ERICH1: variants seen among roughly 807,000 people sequenced by gnomAD.
The protein encoded by ERICH1 is glutamate rich 1.
Under a neutral mutation model 39.6 loss-of-function variants are expected in ERICH1, and 56 were observed. That is an observed-to-expected ratio of 1.41 (90% CI 1.14 to 1.77). ERICH1 has a LOEUF of 1.77. Ranked by LOEUF, ERICH1 falls within the 40% of genes most tolerant of loss-of-function variation. The pLI, the probability that ERICH1 is intolerant of heterozygous loss-of-function variation, is 0.00. For synonymous variants in ERICH1, 313 were observed against 223.6 expected (o/e 1.40, Z -3.57); for missense variants, 826 against 575.4 (o/e 1.44, Z -4.45).
rs368247764 is a variant in ERICH1, at chr8:642,493, A to C, written c.976+26105T>G. 1.4e-4 allele frequency among the ~76,000 whole-genome samples: 22 copies of C among 151,894 alleles called. 1 individual carries two copies. In the East Asian group the frequency reaches 2.1e-3, roughly 15 times the overall value. ...CCAGATAGCTGGGACTACAGGCACCAGCCACCACGCCCGGCTAATTTTTTG... is the reference window on the plus strand; with the variant it reads ...CCAGATAGCTGGGACTACAGGCACCCGCCACCACGCCCGGCTAATTTTTTG... On this transcript the variant is annotated intron_variant, in intron 3 of 3. Coordinates refer to the ERICH1 transcript ENST00000522706.
intron 2 of ERICH1, among the ~76,000 whole-genome samples, chr8:693,749 C>T (rs748453704): frequency 6.0e-5 from 9 of 150,952 alleles, no homozygotes; most frequent in East Asian, 2.0e-4. Flanking sequence ...TGCCCCTCTG[C>T]GCACGGGACC....
chr8:695,203 C>G (rs915612021), intron 2 of ERICH1, among the ~76,000 whole-genome samples: 1 of 152,050 alleles, frequency 6.6e-6, no homozygotes, highest in Non-Finnish European at 1.5e-5. Context: ...CAGCCCCTGG[C>G]CCACTTCAGG....
At chr8:635,603 C>A (rs979095938) in intron 3 of ERICH1, among the ~76,000 whole-genome samples, 1 of 152,204 alleles carries the variant, frequency 6.6e-6, no homozygotes, top group African/African-American at 2.4e-5. Context: ...CCCCGACCTG[C>A]CAGAGGACCC....
intron 3 of ERICH1, among the ~76,000 whole-genome samples, chr8:657,764 C>T (rs536267003): frequency 2.0e-5 from 3 of 152,006 alleles, no homozygotes; most frequent in African/African-American, 7.2e-5. Flanking sequence ...AATTAAAGGA[C>T]TCAGTAATGT....
downstream of ERICH1, among the ~76,000 whole-genome samples, chr8:662,700 T>G (rs1254536500): frequency 2.0e-5 from 3 of 152,188 alleles, no homozygotes; most frequent in Admixed American, 6.5e-5. Context: ...AACGGGAGGT[T>G]TGCAGGCTGG....
chr8:701,646 C>T (rs1812176646), intron 2 of ERICH1, among the ~76,000 whole-genome samples: 1 of 152,166 alleles, frequency 6.6e-6, no homozygotes, highest in Non-Finnish European at 1.5e-5. Flanking sequence ...GTCTATGATA[C>T]GTGTATTTTT....
intron 2 of ERICH1, among the ~76,000 whole-genome samples, chr8:701,583 A>C (rs1400924335): frequency 6.6e-6 from 1 of 152,240 alleles, no homozygotes; most frequent in Non-Finnish European, 1.5e-5. Flanking sequence ...TCAGGTGAGC[A>C]ACAGAGTCGG....
intron 3 of ERICH1, among the ~76,000 whole-genome samples, chr8:674,296 CTTTT>C (rs11372589): frequency 9.1e-6 from 1 of 109,812 alleles, no homozygotes; most frequent in African/African-American, 3.5e-5. Flanking sequence ...CAAGTTGTTG[CTTTT>C]TTTTTTTTTT....
intron 3 of ERICH1, among the ~76,000 whole-genome samples, chr8:650,153 C>T (rs1234399945): frequency 6.6e-6 from 1 of 152,212 alleles, no homozygotes; most frequent in Non-Finnish European, 1.5e-5. Context: ...AGGGCGCTTG[C>T]GTGTCCGGCA....
chr8:718,838 G>A (rs773837734), intron 1 of ERICH1, among the ~76,000 whole-genome samples: 5 of 152,184 alleles, frequency 3.3e-5, no homozygotes, highest in South Asian at 2.1e-4. Context: ...GCCTGCTCAG[G>A]TGCCACACGA....
At chr8:688,852 A>G (rs574516091) in intron 3 of ERICH1, among the ~76,000 whole-genome samples, 17 of 152,342 alleles carry the variant, frequency 1.1e-4, no homozygotes, top group Admixed American at 3.9e-4. Context: ...ACGAGTTCAT[A>G]AGAACAAAAT....
chr8:697,952 A>G (rs4380911), intron 2 of ERICH1, among the ~76,000 whole-genome samples: 69,140 of 151,668 alleles, frequency 0.46, 16,142 homozygotes, highest in Middle Eastern at 0.58. Flanking sequence ...ATGGGCTGCA[A>G]GGGACACAAA....
At chr8:631,616 GTTT>G (rs1322089800) in intron 3 of ERICH1, among the ~76,000 whole-genome samples, 1 of 152,124 alleles carries the variant, frequency 6.6e-6, no homozygotes, top group Non-Finnish European at 1.5e-5. Context: ...AATGCCGAGA[GTTT>G]TTTGTTTGTT....
Position 668,794 on chromosome 8 carries a change from T to C in ERICH1, c.1064-2A>G. On this transcript the variant is annotated splice_acceptor_variant, in intron 4 of 5. Transcript: ENST00000262109. LOFTEE classifies it high-confidence loss of function. Reference sequence around the variant, plus strand: ...CTGAAGCTGCATCTCTGGAGACACCTACATAAAGTCAGTTTTGCTTGGAAA... The same window carrying C: ...CTGAAGCTGCATCTCTGGAGACACCCACATAAAGTCAGTTTTGCTTGGAAA... 1 of 1,586,122 alleles carries C rather than the reference T, an allele frequency of 6.3e-7. No homozygotes were observed. Among genetic ancestry groups the C allele is most frequent in the Non-Finnish European group, 8.6e-7 (1 of 1,167,766 alleles).
chr8:644,027 G>A (rs1799320457), intron 3 of ERICH1, among the ~76,000 whole-genome samples: 1 of 152,230 alleles, frequency 6.6e-6, no homozygotes, highest in Admixed American at 6.5e-5. Flanking sequence ...CTTGGTGGGG[G>A]CGCACACTGG....
rs920750169 is a variant in ERICH1 at position 673,664 on chromosome 8, T to C, written c.688A>G (p.Arg230Gly). 3.7e-5 allele frequency: 59 copies of C among 1,612,542 alleles called. No homozygotes were observed. The highest frequency in any genetic ancestry group is 4.5e-5 in the Non-Finnish European group (53 of 1,179,398). ...LAGEEDVKDT[R>G]EEDGADASEE... ...CTAGCGTCCGCACCATCTTCCTCCC[T>C]GGTATCTTTAACGTCTTCCTCCCCG... The change falls in exon 4 of 6, where the codon AGG (arginine) becomes GGG (glycine). Residue 230 changes from arginine (R) to glycine (G), a missense_variant. Physicochemically the swap from Arg to Gly is moderately radical, Grantham distance 125 (BLOSUM62 -2). Transcript: ENST00000262109.
chr8:670,149 T>A (rs1434731774), intron 4 of ERICH1, among the ~76,000 whole-genome samples: 1 of 152,222 alleles, frequency 6.6e-6, no homozygotes, highest in South Asian at 2.1e-4. Context: ...CAACTCTCAT[T>A]TGCTGTTTCC....
chr8:649,566 C>T (rs1023513394), intron 3 of ERICH1, among the ~76,000 whole-genome samples: 1 of 151,884 alleles, frequency 6.6e-6, no homozygotes, highest in Non-Finnish European at 1.5e-5. Flanking sequence ...CCTGTTGTCA[C>T]CTTTGTTGGA....
chr8:707,590 C>T (rs1472311613), intron 2 of ERICH1, among the ~76,000 whole-genome samples: 1 of 152,068 alleles, frequency 6.6e-6, no homozygotes, highest in Non-Finnish European at 1.5e-5. Context: ...ATTGGATATC[C>T]ACATGCAAAG....
Sources: gnomAD v4.1 joint callset for allele counts (sites outside exome capture counted in the v4.1 genomes callset) on GRCh38, gnomAD v4.1.1 for gene constraint, MANE v1.5 for transcripts, NCBI Gene and HGNC (gene_info 2026-07-23, HGNC 2026-07-21) for gene names.